The following GANC variants were observed in gnomAD, a reference collection of about 807,000 sequenced individuals.
GANC encodes the protein neutral alpha-glucosidase C.
In GANC, 117 loss-of-function variants were observed where a neutral mutation model predicts 124.2. The ratio of observed to expected loss-of-function variants is 0.94; its 90% CI spans 0.81 to 1.10. GANC has a LOEUF of 1.10. Among genes scored for constraint, GANC ranks in the 50% least tolerant of loss-of-function variants. The pLI is 0.00. For missense variants in GANC, 1,140 were observed against 1,095.0 expected (o/e 1.04, Z -0.58); for synonymous variants, 377 against 376.8 (o/e 1.00, Z -0.01).
At chr15:42,279,169 A>G (rs1036785000) in intron 3 of GANC, among the ~76,000 whole-genome samples, 2 of 152,254 alleles carry the variant, frequency 1.3e-5, no homozygotes, top group Non-Finnish European at 2.9e-5. Flanking sequence ...TCTAAGAGGT[A>G]CATTATATTA....
Position 42,349,632 on chromosome 15 carries a change from T to TTTTTC in GANC, c.2531+157_2531+161dup, listed in dbSNP as rs752285997. 1.6e-3 allele frequency: 1,042 copies of TTTTTC among 631,936 alleles called. 9 individuals carry two copies. In the African/African-American group the frequency reaches 0.018, roughly 11 times the overall value. The allele number at this position is 631,936 out of a possible 1,614,324, so 39.1% of individuals were successfully genotyped here. On this transcript the variant is annotated intron_variant, in intron 22 of 23. Coordinates refer to ENST00000318010, the MANE Select transcript of GANC (RefSeq NM_198141.3). ...TGGTGAAGGCCGTTTCCGGAATATT[T>TTTTTC]TTTTCTTTTCTTTTCTTTTCTTTTT...
Position 42,310,477 on chromosome 15 carries a change from C to A in GANC, c.903+14C>A, listed in dbSNP as rs2052040035. On this transcript the variant is annotated intron_variant, in intron 9 of 23. Transcript: ENST00000318010. ...CCTGCAGTAGAGGTGAGCTATTTAT[C>A]ATGGCTACATGTCATACTTAAAGAA... The A allele has an allele frequency of 6.3e-7, 1 of 1,576,796 alleles. No homozygotes were observed. The highest frequency in any genetic ancestry group is 1.4e-5 in the African/African-American group (1 of 73,336).
At chr15:42,289,811 T>C (rs1052832048) in intron 4 of GANC, among the ~76,000 whole-genome samples, 2 of 152,168 alleles carry the variant, frequency 1.3e-5, no homozygotes, top group African/African-American at 4.8e-5. Flanking sequence ...TATTTTGAGA[T>C]AGGGTCTTTA....
chr15:42,283,697 C>T (rs749329277), intron 3 of GANC: 13 of 702,488 alleles, frequency 1.9e-5, no homozygotes, highest in Non-Finnish European at 3.4e-5. Flanking sequence ...TGTGAAGTTA[C>T]CCCTTGCCTC....
At chr15:42,312,682 G>T (rs2052063095) in intron 10 of GANC, among the ~76,000 whole-genome samples, 1 of 152,180 alleles carries the variant, frequency 6.6e-6, no homozygotes, top group Non-Finnish European at 1.5e-5. Context: ...GCCCATGCCT[G>T]TAATCCTGCA....
intron 10 of GANC, among the ~76,000 whole-genome samples, chr15:42,315,598 A>G (rs2052094651): frequency 6.6e-6 from 1 of 152,250 alleles, no homozygotes; most frequent in Non-Finnish European, 1.5e-5. Context: ...AGTTAAACAT[A>G]GAATTACCAT....
chr15:42,327,898 A>G (rs1177803742), intron 13 of GANC, among the ~76,000 whole-genome samples: 2 of 152,212 alleles, frequency 1.3e-5, no homozygotes, highest in African/African-American at 4.8e-5. Flanking sequence ...TTTTCAACCA[A>G]TTATGATGAT....
At chr15:42,323,787 G>A (rs761557497) in intron 11 of GANC, among the ~76,000 whole-genome samples, 27 of 152,194 alleles carry the variant, frequency 1.8e-4, no homozygotes, top group Non-Finnish European at 3.2e-4. Context: ...ACAGGCGTGA[G>A]CCATCATATC....
chr15:42,350,358 C>T (rs2052417501), intron 22 of GANC, among the ~76,000 whole-genome samples: 1 of 151,582 alleles, frequency 6.6e-6, no homozygotes, highest in African/African-American at 2.4e-5. Flanking sequence ...TGAAAAAGGA[C>T]TTAATTTAAG....
chr15:42,282,950 C>T (rs1459677623), intron 3 of GANC, among the ~76,000 whole-genome samples: 2 of 152,158 alleles, frequency 1.3e-5, no homozygotes, highest in African/African-American at 4.8e-5. Flanking sequence ...CAAGCTCTCC[C>T]GTCTTTTCTT....
At chr15:42,280,365 T>C (rs1287560017) in intron 3 of GANC, among the ~76,000 whole-genome samples, 2 of 152,210 alleles carry the variant, frequency 1.3e-5, no homozygotes, top group African/African-American at 2.4e-5. Context: ...GTTTTTTATA[T>C]ATCCTTTTGT....
chr15:42,330,829 C>A (rs960446191), intron 15 of GANC, among the ~76,000 whole-genome samples, 157 bp downstream of exon 15: 4 of 138,470 alleles, frequency 2.9e-5, no homozygotes, highest in Non-Finnish European at 6.1e-5. Context: ...GCTTTGTCAC[C>A]CAGGCTGGAG....
At chr15:42,320,733 G>A (rs1425105912) in intron 10 of GANC, among the ~76,000 whole-genome samples, 1 of 152,210 alleles carries the variant, frequency 6.6e-6, no homozygotes, top group Non-Finnish European at 1.5e-5. Context: ...ACAGGTGTGA[G>A]CCACCACACC....
intron 6 of GANC, among the ~76,000 whole-genome samples, chr15:42,305,596 G>C (rs370442402): frequency 8.7e-4 from 132 of 152,262 alleles, no homozygotes; most frequent in African/African-American, 3.1e-3. Context: ...CCATTACTGG[G>C]TATATTTCTA....
chr15:42,351,343 G>A lies in GANC; in HGVS notation c.2546G>A (p.Arg849Lys). 1 of 1,613,708 alleles carries A rather than the reference G, an allele frequency of 6.2e-7. No homozygotes were observed. Among genetic ancestry groups the A allele is most frequent in the East Asian group, 2.2e-5 (1 of 44,888 alleles). Residue 849 changes from arginine to lysine, a missense_variant, in exon 23 of 24, where the codon AGG (arginine) becomes AAG (lysine). By Grantham distance (26) the Arg-to-Lys change is conservative (BLOSUM62 2). Transcript: ENST00000318010. ...SVLINSFADQ[R>K]GHYPSKCVVE... ...ATCTATTCCAGTTTTGCTGACCAGA[G>A]GGGTCATTATCCCAGCAAGTGTGTG...
intron 21 of GANC, among the ~76,000 whole-genome samples, chr15:42,348,515 C>T (rs750799845): frequency 7.9e-5 from 12 of 152,154 alleles, no homozygotes; most frequent in Non-Finnish European, 1.8e-4. Context: ...ACAGCCTTCC[C>T]ACGTGGATTA....
At chr15:42,316,831 A>G (rs768210683) in intron 10 of GANC, among the ~76,000 whole-genome samples, 19 of 152,238 alleles carry the variant, frequency 1.2e-4, no homozygotes, top group Non-Finnish European at 2.1e-4. Context: ...AGGAGCCCTC[A>G]AGCGGCCCTT....
chr15:42,276,214 G>C, intron 1 of GANC, 134 bp from the exon 2 acceptor site: 1 of 599,588 alleles, frequency 1.7e-6, no homozygotes. Flanking sequence ...TACTGTGGCC[G>C]TGACACAATT....
chr15:42,345,862 C>T lies in GANC; in HGVS notation c.2304+30C>T, dbSNP rs772893380. The T allele has an allele frequency of 2.1e-6, 3 of 1,455,394 alleles. No individual in the cohort carries two copies. The African/African-American group carries it at 4.2e-5, about 20-fold the overall frequency. The allele number at this position is 1,455,394 out of a possible 1,614,324, so 90.2% of individuals were successfully genotyped here. On this transcript the variant is annotated intron_variant, in intron 20 of 23. Transcript: ENST00000318010. Reference sequence around the variant, plus strand: ...GTTATTTTCAGACTACTATTTTTACCTATCATGCTCTATTGGTCGGCTAGG... The same window carrying T: ...GTTATTTTCAGACTACTATTTTTACTTATCATGCTCTATTGGTCGGCTAGG...
Sources: gnomAD v4.1 joint callset for allele counts (sites outside exome capture counted in the v4.1 genomes callset) on GRCh38, gnomAD v4.1.1 for gene constraint, MANE v1.5 for transcripts, NCBI Gene and HGNC (gene_info 2026-07-23, HGNC 2026-07-21) for gene names.